FCMR: variants seen among roughly 807,000 people sequenced by gnomAD.
FCMR encodes Fc mu receptor, also known as immunoglobulin mu Fc receptor.
Under a neutral mutation model 41.6 loss-of-function variants are expected in FCMR, and 34 were observed. The observed-to-expected ratio is 0.82, with a 90% CI of 0.62 to 1.09. The LOEUF is 1.09. Ranked by LOEUF, FCMR falls within the 50% of genes least tolerant of loss-of-function variation. FCMR has a pLI of 0.00. For missense variants in FCMR, 496 were observed against 512.5 expected (o/e 0.97, Z 0.31); for synonymous variants, 209 against 211.8 (o/e 0.99, Z 0.12).
In FCMR at chr1:206,912,970, T is replaced by G. The variant is rs765816162; in HGVS notation, c.446A>C (p.Gln149Pro). Residue 149 changes from glutamine to proline, a missense_variant, in exon 3 of 8, where the codon CAG becomes CCG. Coordinates refer to ENST00000367091, the MANE Select transcript of FCMR (RefSeq NM_005449.5). ...PKWFHLPYLF[Q>P]MPAYASSSKF... is the part of the protein sequence containing the mutation. ...GGAAGAACTGGCATATGCAGGCATC[T>G]GGAACAAATAGGGCAGATGAAACCA... 1 of 1,613,840 alleles carries G rather than the reference T, an allele frequency of 6.2e-7. No homozygotes were observed. The highest frequency in any genetic ancestry group is 2.2e-5 in the East Asian group (1 of 44,880).
rs1678855313 is a variant in FCMR at position 206,909,991 on chromosome 1, C to T, written c.842-123G>A. The T allele has an allele frequency of 8.3e-7, 1 of 1,210,120 alleles. No individual in the cohort carries two copies. Among genetic ancestry groups the T allele is most frequent in the Non-Finnish European group, 1.1e-6 (1 of 920,412 alleles). 75.0% of individuals were successfully genotyped at this position (1,210,120 alleles called of 1,614,324 possible). A position where few individuals can be genotyped will look rare whatever the true frequency, so the allele number is the denominator to read the frequency against. ...GTGTCTGACCTGGAGATGCTCCAAG[C>T]GTGGGGAATGTACGAGGCACGGCCT... On this transcript the variant is annotated intron_variant, in intron 5 of 7. Transcript: ENST00000367091. The surrounding 1 kb of genome is among the most constrained non-coding windows in gnomAD (Gnocchi z 5.0).
chr1:206,911,039 GA>G (rs1261786975), intron 4 of FCMR, among the ~76,000 whole-genome samples: 58 of 152,286 alleles, frequency 3.8e-4, no homozygotes, highest in African/African-American at 1.3e-3. Context: ...CCACATAGTA[GA>G]GAATAAGAAA....
chr1:206,911,050 A>T (rs1475317316), intron 4 of FCMR, among the ~76,000 whole-genome samples: 1 of 152,048 alleles, frequency 6.6e-6, no homozygotes, highest in African/African-American at 2.4e-5. Flanking sequence ...AGAATAAGAA[A>T]ATGCTGGTTG....
chr1:206,917,772 G>A (rs368855005), intron 1 of FCMR: 13 of 449,894 alleles, frequency 2.9e-5, no homozygotes, highest in African/African-American at 1.0e-4. Flanking sequence ...GATCACAGGC[G>A]CCTGCCACCA....
At chr1:206,914,994 C>G (rs1171652495) in intron 1 of FCMR, among the ~76,000 whole-genome samples, 1 of 152,222 alleles carries the variant, frequency 6.6e-6, no homozygotes, top group Non-Finnish European at 1.5e-5. Flanking sequence ...CCCACGTGAC[C>G]TCAGTGTGGT....
In FCMR at chr1:206,905,005, T is replaced by C. The variant is rs1320616752; in HGVS notation, c.*14A>G. 6.2e-7 allele frequency: 1 copy of C among 1,613,520 alleles called. No homozygotes were observed. Among genetic ancestry groups the C allele is most frequent in the Admixed American group, 1.7e-5 (1 of 60,020 alleles). ...ACAGTCCGAGCCTGGGGTTGGGGGA[T>C]AGCTGGGGAGTTGTCAGGCAGGAAC... On this transcript the variant is annotated 3_prime_UTR_variant, in exon 8 of 8. Transcript: ENST00000367091.
chr1:206,908,907 C>T (rs1022359894), intron 7 of FCMR, among the ~76,000 whole-genome samples: 1 of 152,128 alleles, frequency 6.6e-6, no homozygotes, highest in Admixed American at 6.5e-5. Flanking sequence ...ACGCGAGTTC[C>T]CTCCATCCAC....
Position 206,910,078 on chromosome 1 carries a change from T to C in FCMR, c.841+132A>G, listed in dbSNP as rs1678860485. 4 of 1,187,902 alleles carry C rather than the reference T, an allele frequency of 3.4e-6. No individual in the cohort carries two copies. In the African/African-American group the frequency reaches 6.3e-5, roughly 19 times the overall value. The allele number at this position is 1,187,902 out of a possible 1,614,324, so 73.6% of individuals were successfully genotyped here. On this transcript the variant is annotated intron_variant, in intron 5 of 7. Coordinates refer to ENST00000367091, the MANE Select transcript of FCMR (RefSeq NM_005449.5). ...TCCTCCTCAGACCAGTGGCCCCCAC[T>C]TCCCTAACTTCCCTACACCCCAGGC...
chr1:206,921,492 T>G, intron 1 of FCMR: 1 of 454,734 alleles, frequency 2.2e-6, no homozygotes, highest in Non-Finnish European at 4.2e-6. Context: ...TCCTAGCTAC[T>G]AGAGAGTCTG....
chr1:206,917,940 C>T, intron 1 of FCMR: 1 of 396,198 alleles, frequency 2.5e-6, no homozygotes, highest in Non-Finnish European at 4.9e-6. Context: ...AGAAATCCCT[C>T]AGTTGACCTT....
chr1:206,909,700 C>G lies in FCMR; in HGVS notation c.985+25G>C, dbSNP rs755335834. ...GAGCCAGCGCACTCTTTCCGCTACT[C>G]CCCGTGGCCCGCCCGGCGGCTCACC... On this transcript the variant is annotated intron_variant, in intron 6 of 7. Transcript: ENST00000367091. The surrounding 1 kb of genome is among the most constrained non-coding windows in gnomAD (Gnocchi z 5.0). 38 of 1,406,084 alleles carry G rather than the reference C, an allele frequency of 2.7e-5. No homozygotes were observed. Among genetic ancestry groups the G allele is most frequent in the Non-Finnish European group, 3.3e-5 (36 of 1,092,820 alleles). 87.1% of individuals were successfully genotyped at this position (1,406,084 alleles called of 1,614,324 possible).
At chr1:206,910,009 C>T in intron 5 of FCMR, 141 bp from the exon 6 acceptor site, 2 of 1,164,392 alleles carry the variant, frequency 1.7e-6, no homozygotes, top group South Asian at 1.8e-5. Flanking sequence ...ATGTACGAGG[C>T]ACGGCCTTGC....
rs1039533405 is a variant in FCMR, at chr1:206,918,289, T to C, written c.37+3529A>G. On this transcript the variant is annotated intron_variant, in intron 1 of 7. Transcript: ENST00000367091. ...TGTCAGCCTGCATTCTTCCTCTCCT[T>C]CTCTCCTGCCTCTCCATCCTGGCTA... 2.6e-5 allele frequency among the ~76,000 whole-genome samples: 4 copies of C among 152,178 alleles called. No individual in the cohort carries two copies. In the East Asian group the frequency reaches 7.7e-4, roughly 29 times the overall value.
At chr1:206,915,018 T>G (rs1311250120) in intron 1 of FCMR, among the ~76,000 whole-genome samples, 1 of 152,140 alleles carries the variant, frequency 6.6e-6, no homozygotes, top group African/African-American at 2.4e-5. Flanking sequence ...GGGAGCATGG[T>G]GCGGTTATGT....
chr1:206,915,386 C>T (rs1160686847), intron 1 of FCMR, among the ~76,000 whole-genome samples: 2 of 151,990 alleles, frequency 1.3e-5, no homozygotes, highest in Admixed American at 6.6e-5. Flanking sequence ...CAACTGAGAG[C>T]GTGACGATGC....
At position 206,913,469 on chromosome 1, in the gene FCMR, A is replaced by G. The variant is rs148778115; in HGVS notation, c.373+290T>C. On this transcript the variant is annotated intron_variant, in intron 2 of 7. Transcript: ENST00000367091. ...TTTCCTTTTGCTTCCAATTTCCTCCATCTCAGAGCCTCTCCTCAATCTCAA... is the reference window on the plus strand; with the variant it reads ...TTTCCTTTTGCTTCCAATTTCCTCCGTCTCAGAGCCTCTCCTCAATCTCAA... Among the ~76,000 whole-genome samples the G allele has an allele frequency of 2.6e-3, 390 of 152,282 alleles. 2 individuals are homozygous for G. The highest frequency in any genetic ancestry group is 0.024 in the Middle Eastern group (7 of 294).
chr1:206,909,641 C>T lies in FCMR; in HGVS notation c.985+84G>A, dbSNP rs1021569785. On this transcript the variant is annotated intron_variant, in intron 6 of 7. Coordinates refer to ENST00000367091, the MANE Select transcript of FCMR (RefSeq NM_005449.5). The surrounding 1 kb of genome is among the most constrained non-coding windows in gnomAD (Gnocchi z 5.0). ...TCCACCCTGTGGGAAGCCCTGGCAC[C>T]TGGGAGCGCGCCCCGCTGCGCCCGG... 1.5e-6 allele frequency: 2 copies of T among 1,343,502 alleles called. No individual in the cohort carries two copies. Among genetic ancestry groups the T allele is most frequent in the East Asian group, 3.1e-5 (1 of 32,084 alleles). 83.2% of individuals were successfully genotyped at this position (1,343,502 alleles called of 1,614,324 possible). A position where few individuals can be genotyped will look rare whatever the true frequency, so the allele number is the denominator to read the frequency against.
chr1:206,907,015 C>T (rs1678675593), intron 7 of FCMR, among the ~76,000 whole-genome samples: 1 of 147,928 alleles, frequency 6.8e-6, no homozygotes, highest in African/African-American at 2.5e-5. Flanking sequence ...GTTCAGACTG[C>T]TGAACACTGC....
intron 1 of FCMR, among the ~76,000 whole-genome samples, chr1:206,916,760 AGT>A (rs1042703011): frequency 6.6e-6 from 1 of 152,262 alleles, no homozygotes; most frequent in Admixed American, 6.5e-5. Flanking sequence ...AAAGTAGCAC[AGT>A]GTGCATGAGA....
Sources: allele counts gnomAD v4.1 joint callset (sites outside exome capture counted in the v4.1 genomes callset), GRCh38; gene constraint gnomAD v4.1.1; non-coding constraint Gnocchi (gnomAD v3.1); transcripts MANE v1.5; gene names NCBI Gene and HGNC (gene_info 2026-07-23, HGNC 2026-07-21).